The following SCN10A variants were observed in gnomAD, a reference collection of about 807,000 sequenced individuals.
The protein encoded by SCN10A is sodium channel protein type 10 subunit alpha.
Under a neutral mutation model 170.7 loss-of-function variants are expected in SCN10A, and 162 were observed. That is an observed-to-expected ratio of 0.95 (90% confidence interval 0.84 to 1.08). The LOEUF (loss-of-function observed/expected upper bound fraction) is 1.08, where lower values mean the gene tolerates loss of function less well. SCN10A is among the 50% of genes least tolerant of loss of function. SCN10A has a pLI of 0.00. For synonymous variants in SCN10A, 985 were observed against 904.6 expected (o/e 1.09, Z -1.59); for missense variants, 2,527 against 2,436.9 (o/e 1.04, Z -0.78).
chr3:38,698,936 C>A (rs1346390504), intron 27 of SCN10A, among the ~76,000 whole-genome samples: 3 of 152,112 alleles, frequency 2.0e-5, no homozygotes, highest in Non-Finnish European at 4.4e-5. Flanking sequence ...TGACACAGAC[C>A]CTGCTCCTCC....
At chr3:38,779,571 C>T (rs1575173053) in intron 4 of SCN10A, among the ~76,000 whole-genome samples, 1 of 151,194 alleles carries the variant, frequency 6.6e-6, no homozygotes, top group Non-Finnish European at 1.5e-5. Flanking sequence ...ATTTGTTATC[C>T]TTTTTCTAGT....
chr3:38,813,629 A>G (rs4557096), intron 1 of SCN10A, among the ~76,000 whole-genome samples: 19,970 of 152,164 alleles, frequency 0.13, 1,464 homozygotes, highest in African/African-American at 0.18. Context: ...ATAACTGGCC[A>G]TGGCCACTCT....
intron 8 of SCN10A, among the ~76,000 whole-genome samples, chr3:38,757,733 A>G (rs773825993): frequency 6.6e-6 from 1 of 152,222 alleles, no homozygotes; most frequent in Non-Finnish European, 1.5e-5. Context: ...GCAGGTGTCA[A>G]TATATTTATT....
chr3:38,802,457 C>T (rs2064378451), intron 1 of SCN10A, among the ~76,000 whole-genome samples: 1 of 152,144 alleles, frequency 6.6e-6, no homozygotes, highest in South Asian at 2.1e-4. Flanking sequence ...TATACTGTTT[C>T]CTTAGCCTTC....
rs2063811090 is a variant in SCN10A at position 38,756,764 on chromosome 3, A to G, written c.1200T>C (p.Tyr400=). The G allele has an allele frequency of 1.2e-6, 2 of 1,614,106 alleles. No individual in the cohort carries two copies. The highest frequency in any genetic ancestry group is 4.5e-5 in the East Asian group (2 of 44,880). The change falls in exon 10 of 28, where the codon TAT becomes TAC. Residue 400 remains tyrosine, a synonymous_variant. Coordinates refer to ENST00000449082, the MANE Select transcript of SCN10A (RefSeq NM_006514.4). The part of the protein sequence containing the change: ...NLILAVVTMA[Y]EEQNQATTDE... ...CAGTGGTTGCCTGGTTCTGCTCCTC[A>G]TACGCCATGGTGACTACAGCCAAGA...
At position 38,722,246 on chromosome 3, in the gene SCN10A, G is replaced by A. The variant is rs759472994; in HGVS notation, c.3507+12C>T. 2 of 1,611,644 alleles carry A rather than the reference G, an allele frequency of 1.2e-6. No homozygotes were observed. The highest frequency in any genetic ancestry group is 1.7e-6 in the Non-Finnish European group (2 of 1,178,472). ...TGGAGGATTTGGGGGCAGGGACTATGCCTCCCCTTACCAGAGATCCACTGC... is the reference window on the plus strand; with the variant it reads ...TGGAGGATTTGGGGGCAGGGACTATACCTCCCCTTACCAGAGATCCACTGC... On this transcript the variant is annotated intron_variant, in intron 20 of 27. Coordinates refer to ENST00000449082, the MANE Select transcript of SCN10A (RefSeq NM_006514.4).
chr3:38,755,300 G>T (rs945270749), intron 11 of SCN10A, among the ~76,000 whole-genome samples: 55 of 150,840 alleles, frequency 3.6e-4, no homozygotes, highest in Non-Finnish European at 6.8e-4. Context: ...AAAAAAAAAA[G>T]GTGCATGAAG....
chr3:38,759,984 A>T (rs1225545405), intron 8 of SCN10A, among the ~76,000 whole-genome samples: 2 of 152,218 alleles, frequency 1.3e-5, no homozygotes, highest in African/African-American at 4.8e-5. Context: ...TGTGATGATT[A>T]AGTGTAGAGC....
chr3:38,781,875 T>C (rs890091960), intron 4 of SCN10A, among the ~76,000 whole-genome samples: 2 of 152,138 alleles, frequency 1.3e-5, no homozygotes, highest in African/African-American at 4.8e-5. Context: ...TATTTAGAGT[T>C]TGTCATATTA....
intron 1 of SCN10A, among the ~76,000 whole-genome samples, chr3:38,809,931 T>C (rs1462986338): frequency 6.6e-6 from 1 of 152,110 alleles, no homozygotes; most frequent in Non-Finnish European, 1.5e-5. Flanking sequence ...GAGAAGCTAG[T>C]GAAGGCTTCC....
chr3:38,724,011 C>T (rs1265773533), intron 18 of SCN10A, among the ~76,000 whole-genome samples: 1 of 152,124 alleles, frequency 6.6e-6, no homozygotes, highest in Non-Finnish European at 1.5e-5. Context: ...GGGTCATGGA[C>T]AAGAAAACAA....
intron 1 of SCN10A, among the ~76,000 whole-genome samples, chr3:38,803,236 G>T (rs1286061042): frequency 3.3e-5 from 5 of 152,214 alleles, no homozygotes; most frequent in Admixed American, 1.3e-4. Context: ...GTGGAAGACA[G>T]TGTGGCAATT....
intron 15 of SCN10A, among the ~76,000 whole-genome samples, chr3:38,734,671 G>C (rs1297772622): frequency 6.6e-6 from 1 of 152,084 alleles, no homozygotes; most frequent in African/African-American, 2.4e-5. Context: ...TGATAAAAGA[G>C]AACTTCCTGA....
intron 1 of SCN10A, among the ~76,000 whole-genome samples, chr3:38,796,905 G>T (rs1042591761): frequency 6.6e-6 from 1 of 152,006 alleles, no homozygotes; most frequent in Non-Finnish European, 1.5e-5. Context: ...GTTCAGCATT[G>T]ATTTTCCAGA....
chr3:38,727,113 T>G, intron 16 of SCN10A, 61 bp from the exon 17 acceptor site: 1 of 1,495,574 alleles, frequency 6.7e-7, no homozygotes, highest in South Asian at 1.2e-5. Context: ...CACATTGGCC[T>G]ACCGGGTTAG....
At chr3:38,751,476 T>C (rs982804865) in intron 12 of SCN10A, among the ~76,000 whole-genome samples, 82 of 152,364 alleles carry the variant, frequency 5.4e-4, no homozygotes, top group African/African-American at 1.9e-3. Flanking sequence ...AAGGCAACTC[T>C]AAGACTTATC....
intron 20 of SCN10A, among the ~76,000 whole-genome samples, chr3:38,720,425 A>G (rs1412755328): frequency 6.6e-6 from 1 of 152,244 alleles, no homozygotes; most frequent in Non-Finnish European, 1.5e-5. Flanking sequence ...GCATGTTTTC[A>G]AGTGAGTTTC....
chr3:38,800,583 A>G (rs186053871), intron 1 of SCN10A, among the ~76,000 whole-genome samples: 164 of 152,212 alleles, frequency 1.1e-3, no homozygotes, highest in Non-Finnish European at 6.0e-4. Flanking sequence ...GGAGTTTTGG[A>G]AAAAGAGACC....
At position 38,698,526 on chromosome 3, in the gene SCN10A, CTT is replaced by C; in HGVS notation, c.4692_4693del (p.Ser1565LeufsTer114). 6.2e-7 allele frequency: 1 copy of C among 1,613,454 alleles called. No individual in the cohort carries two copies. On this transcript the variant is annotated frameshift_variant, in exon 28 of 28. Transcript: ENST00000449082. LOFTEE classifies it high-confidence loss of function. ...TCTGAAGAGCGTTGGGGAGAAGTAA[CTT>C]TGAAGTGACTTAAGAATTGCAGAAA...
Sources: allele counts gnomAD v4.1 joint callset (sites outside exome capture counted in the v4.1 genomes callset), GRCh38; gene constraint gnomAD v4.1.1; transcripts MANE v1.5; gene names NCBI Gene and HGNC (gene_info 2026-07-23, HGNC 2026-07-21).